The following CNIH3 variants were observed in gnomAD, a reference collection of about 807,000 sequenced individuals.
CNIH3 encodes the protein cornichon family AMPA receptor auxiliary protein 3, also known as protein cornichon homolog 3.
In CNIH3, 14 loss-of-function variants were observed where a neutral mutation model predicts 24.1. That is an observed-to-expected ratio of 0.58 (90% CI 0.38 to 0.91). The LOEUF (loss-of-function observed/expected upper bound fraction) is 0.91. Among genes scored for constraint, CNIH3 ranks in the 40% least tolerant of loss-of-function variants. The probability of loss-of-function intolerance (pLI) is 0.00; values close to 1 mark genes in which losing one functional copy is unlikely to be tolerated. For missense variants in CNIH3, 178 were observed against 196.8 expected, an observed-to-expected ratio of 0.90 and a Z score of 0.57; for synonymous variants, 68 against 73.8, an observed-to-expected ratio of 0.92 and a Z score of 0.40.
intron 2 of CNIH3, among the ~76,000 whole-genome samples, chr1:224,545,132 C>T (rs1679654582): frequency 6.6e-6 from 1 of 152,224 alleles, no homozygotes; most frequent in Admixed American, 6.5e-5. Flanking sequence ...TTGCATATTG[C>T]AATGTATATG....
intron 1 of CNIH3, among the ~76,000 whole-genome samples, chr1:224,637,054 C>T (rs747989594): frequency 6.6e-6 from 1 of 151,298 alleles, no homozygotes; most frequent in Non-Finnish European, 1.5e-5. Flanking sequence ...CGGGTTCAAG[C>T]GATTCTCCTG....
intron 5 of CNIH3, among the ~76,000 whole-genome samples, chr1:224,737,208 T>A (rs1448105695): frequency 9.1e-6 from 1 of 109,392 alleles, no homozygotes; most frequent in Admixed American, 1.4e-4. Context: ...CTGTGCGTGC[T>A]CCGCTGCGGG....
intron 3 of CNIH3, among the ~76,000 whole-genome samples, chr1:224,710,121 GGTAATTTAAATA>G (rs1688057581): frequency 6.6e-6 from 1 of 152,162 alleles, no homozygotes; most frequent in Non-Finnish European, 1.5e-5. Flanking sequence ...GTTGATCACA[GGTAATTTAAATA>G]GTAGAAAGTG....
chr1:224,554,585 G>A (rs10916638), intron 3 of CNIH3, among the ~76,000 whole-genome samples: 1 of 149,164 alleles, frequency 6.7e-6, no homozygotes, highest in South Asian at 2.1e-4. Context: ...TTTTTTTTTT[G>A]TTGTTGTTGT....
intron 1 of CNIH3, among the ~76,000 whole-genome samples, chr1:224,645,518 C>T (rs535320750): frequency 5.3e-5 from 8 of 152,360 alleles, no homozygotes; most frequent in East Asian, 1.9e-4. Flanking sequence ...GGCAGGGCCA[C>T]GCAGCTCCCC....
intron 1 of CNIH3, among the ~76,000 whole-genome samples, chr1:224,669,236 C>T (rs936761247): frequency 6.6e-6 from 1 of 152,092 alleles, no homozygotes; most frequent in Non-Finnish European, 1.5e-5. Flanking sequence ...GTCTTTGTTT[C>T]CTGTTAACTA....
chr1:224,727,926 C>T (rs115450787), intron 3 of CNIH3, among the ~76,000 whole-genome samples: 31 of 152,284 alleles, frequency 2.0e-4, no homozygotes, highest in African/African-American at 6.3e-4. Context: ...TGGAGACCTC[C>T]GTGACTAGCT....
At chr1:224,643,300 G>A (rs1476264371) in intron 1 of CNIH3, among the ~76,000 whole-genome samples, 2 of 152,206 alleles carry the variant, frequency 1.3e-5, no homozygotes, top group East Asian at 1.9e-4. Context: ...ACTCCAGTAC[G>A]GTGGTTTCTG....
chr1:224,615,455 C>G (rs1682911663), upstream of CNIH3: 2 of 152,090 alleles, frequency 1.3e-5, no homozygotes, highest in South Asian at 2.1e-4. Context: ...ATTAATAATC[C>G]CTACCACTTA....
chr1:224,536,747 T>C (rs181656937), intron 2 of CNIH3, among the ~76,000 whole-genome samples: 1 of 152,232 alleles, frequency 6.6e-6, no homozygotes, highest in Admixed American at 6.5e-5. Flanking sequence ...AAAGACACTG[T>C]CTAGGGACAA....
intron 3 of CNIH3, among the ~76,000 whole-genome samples, chr1:224,601,883 G>A (rs1037172529): frequency 2.6e-5 from 4 of 152,178 alleles, no homozygotes; most frequent in Non-Finnish European, 2.9e-5. Context: ...GTGACTTAGT[G>A]CCAAATTAAA....
chr1:224,673,405 T>C (rs982477334), intron 1 of CNIH3, among the ~76,000 whole-genome samples: 2 of 152,232 alleles, frequency 1.3e-5, no homozygotes, highest in African/African-American at 4.8e-5. Flanking sequence ...TGTCTCACTC[T>C]CTGGCTTCCC....
chr1:224,538,892 T>C (rs138408885), downstream of CNIH3, among the ~76,000 whole-genome samples: 2 of 148,606 alleles, frequency 1.3e-5, no homozygotes, highest in Non-Finnish European at 3.0e-5. Context: ...GGTCTCGAAC[T>C]CCTGGTCTCA....
chr1:224,539,457 T>A (rs1475334499), downstream of CNIH3, among the ~76,000 whole-genome samples: 1 of 152,228 alleles, frequency 6.6e-6, no homozygotes, highest in African/African-American at 2.4e-5. Flanking sequence ...AACTTCGACT[T>A]TTCTTCATTG....
chr1:224,530,090 C>G (rs150589474), intron 2 of CNIH3, among the ~76,000 whole-genome samples: 5 of 152,320 alleles, frequency 3.3e-5, no homozygotes, highest in African/African-American at 1.2e-4. Flanking sequence ...CAGGAGAGGG[C>G]TGCACTTCTG....
At chr1:224,565,754 C>A (rs1411610339) in intron 3 of CNIH3, 1 of 152,594 alleles carries the variant, frequency 6.6e-6, no homozygotes, top group African/African-American at 2.4e-5. Context: ...GCAGCCCCTG[C>A]TTCTCCTGTA....
chr1:224,527,059 G>A (rs961106094), intron 2 of CNIH3, among the ~76,000 whole-genome samples: 7 of 152,150 alleles, frequency 4.6e-5, no homozygotes, highest in Non-Finnish European at 8.8e-5. Context: ...CTGAGATTTG[G>A]CGGGTACAAA....
Position 224,703,310 on chromosome 1 carries a change from T to A in CNIH3, c.198+18467T>A, listed in dbSNP as rs1430236180. On this transcript the variant is annotated intron_variant, in intron 3 of 5. Transcript: ENST00000272133. The surrounding 1 kb of genome is among the most constrained non-coding windows in gnomAD (Gnocchi z 4.2). The stretch of plus-strand genomic sequence containing the variant: ...GCTGAGCCACGATGGGCAGCTTGAA[T>A]GTGTTAATGAACATGAAGCCTGCTT... 6.6e-6 allele frequency among the ~76,000 whole-genome samples: 1 copy of A among 151,934 alleles called. No individual in the cohort carries two copies. Among genetic ancestry groups the A allele is most frequent in the African/African-American group, 2.4e-5 (1 of 41,362 alleles).
intron 1 of CNIH3, among the ~76,000 whole-genome samples, chr1:224,467,171 G>T (rs932659763): frequency 1.3e-5 from 2 of 152,122 alleles, no homozygotes; most frequent in African/African-American, 2.4e-5. Context: ...GACTACAGGT[G>T]TGTGCCACCA....
Sources: gnomAD v4.1 joint callset for allele counts (sites outside exome capture counted in the v4.1 genomes callset) on GRCh38, gnomAD v4.1.1 for gene constraint, Gnocchi (gnomAD v3.1) non-coding constraint, MANE v1.5 for transcripts, NCBI Gene and HGNC (gene_info 2026-07-23, HGNC 2026-07-21) for gene names.